CIBAR2: variants seen among roughly 807,000 people sequenced by gnomAD.
CIBAR2 encodes CBY1-interacting BAR domain-containing protein 2.
A neutral mutation model predicts 36.2 loss-of-function variants in CIBAR2; 38 were observed. That is an observed-to-expected ratio of 1.05 (90% CI 0.81 to 1.38). The LOEUF (loss-of-function observed/expected upper bound fraction) is 1.38, where lower values mean the gene tolerates loss of function less well. Among genes scored for constraint, CIBAR2 ranks in the 40% most tolerant of loss-of-function variants. CIBAR2 has a pLI of 0.00. For synonymous variants in CIBAR2, 182 were observed against 149.5 expected, an observed-to-expected ratio of 1.22 and a Z score of -1.58; for missense variants, 481 against 383.4, an observed-to-expected ratio of 1.25 and a Z score of -2.13.
intron 7 of CIBAR2, among the ~76,000 whole-genome samples, 178 bp downstream of exon 7, chr16:85,102,036 A>C (rs1370950341): frequency 6.6e-6 from 1 of 152,198 alleles, no homozygotes; most frequent in Non-Finnish European, 1.5e-5. Flanking sequence ...ATTAAGAAAA[A>C]TTATCCTCAC....
Position 85,098,779 on chromosome 16 carries a change from G to T in CIBAR2, c.*406C>A. The T allele has an allele frequency of 6.2e-6, 2 of 322,896 alleles. No individual in the cohort carries two copies. Among genetic ancestry groups the T allele is most frequent in the Non-Finnish European group, 8.9e-6 (2 of 224,168 alleles). The allele number at this position is 322,896 out of a possible 1,614,324, so 20.0% of individuals were successfully genotyped here. On this transcript the variant is annotated 3_prime_UTR_variant, in exon 9 of 9. Coordinates refer to ENST00000539556, the MANE Select transcript of CIBAR2 (RefSeq NM_198491.3). Reference sequence around the variant, plus strand: ...TTGCGCAACAGGCCGGGTTTTCTGTGCTTCGTATAGATCTGTTCATCTGAT... The same window carrying T: ...TTGCGCAACAGGCCGGGTTTTCTGTTCTTCGTATAGATCTGTTCATCTGAT...
Sources: allele counts gnomAD v4.1 joint callset (sites outside exome capture counted in the v4.1 genomes callset), GRCh38; gene constraint gnomAD v4.1.1; transcripts MANE v1.5; gene names NCBI Gene and HGNC (gene_info 2026-07-23, HGNC 2026-07-21).